Variants in RBM12B observed in about 807,000 individuals in gnomAD.
The protein encoded by RBM12B is RNA binding motif protein 12B.
In RBM12B, 10 loss-of-function variants were observed where a neutral mutation model predicts 34.3. The observed-to-expected ratio is 0.29, with a 90% CI of 0.18 to 0.49. The LOEUF (loss-of-function observed/expected upper bound fraction) is 0.49. RBM12B is among the 20% of genes least tolerant of loss of function. The pLI is 0.99. For synonymous variants in RBM12B, 477 were observed against 437.1 expected, an observed-to-expected ratio of 1.09 and a Z score of -1.14; for missense variants, 1,139 against 1,262.7, an observed-to-expected ratio of 0.90 and a Z score of 1.48.
rs1294554446 is a variant in RBM12B, at chr8:93,740,629, CTAT to C, written c.-81_-79del. 210 of 384,232 alleles carry C rather than the reference CTAT, an allele frequency of 5.5e-4. No homozygotes were observed. The highest frequency in any genetic ancestry group is 2.0e-3 in the East Asian group (26 of 13,312). 23.8% of individuals were successfully genotyped at this position (384,232 alleles called of 1,614,324 possible). On this transcript the variant is annotated splice_region_variant and 5_prime_UTR_variant, in exon 2 of 4. Transcript: ENST00000520560. ...TGACATAGCAAAGAAAAAAATATAC[CTAT>C]GAAATCCTTCGAGATCTTCACTCTC... is the stretch of plus-strand genomic sequence containing the variant.
rs972619339 is a variant in RBM12B at position 93,734,751 on chromosome 8, G to A, written c.1660C>T (p.Pro554Ser). ...GAGGAGTGTCGGAAGTCTTCTGGAG[G>A]GTGCCTGTCAGGCTGCCGGAAATCC... ...QRDFRQPDRHPPEDFRHSSED... is the reference protein window; with the variant it reads ...QRDFRQPDRHSPEDFRHSSED... Residue 554 changes from proline to serine, a missense_variant, in exon 4 of 4, where the codon CCT becomes TCT. Pro to Ser is a moderately conservative substitution (Grantham distance 74). Coordinates refer to ENST00000520560, the MANE Select transcript of RBM12B (RefSeq NM_001377960.1). The A allele has an allele frequency of 1.2e-6, 2 of 1,614,012 alleles. No individual in the cohort carries two copies. The highest frequency in any genetic ancestry group is 2.7e-5 in the African/African-American group (2 of 74,918).
intron 3 of RBM12B, among the ~76,000 whole-genome samples, chr8:93,736,879 G>A (rs1409261421): frequency 6.6e-6 from 1 of 152,212 alleles, no homozygotes; most frequent in Non-Finnish European, 1.5e-5. Flanking sequence ...TTCTGCTCAT[G>A]ATAATAAATT....
chr8:93,737,807 C>CAA lies in RBM12B; in HGVS notation c.-77-454_-77-453dup, dbSNP rs78204688. Among the ~76,000 whole-genome samples, 318 of 100,546 alleles carry CAA rather than the reference C, an allele frequency of 3.2e-3. 2 individuals are homozygous for CAA. The highest frequency in any genetic ancestry group is 0.025 in the Middle Eastern group (5 of 202). The allele number at this position is 100,546 out of a possible 152,430, so 66.0% of individuals were successfully genotyped here. A position where few individuals can be genotyped will look rare whatever the true frequency, so the allele number is the denominator to read the frequency against. On this transcript the variant is annotated intron_variant, in intron 2 of 3. Transcript: ENST00000520560. ...AAGTAAAATCTCAATACCCAAAGTT[C>CAA]AAAAAAAAAAAAAAAAAAAAAAGAA...
chr8:93,733,178 A>G lies in RBM12B; in HGVS notation c.*227T>C. 3.2e-6 allele frequency: 1 copy of G among 311,196 alleles called. No homozygotes were observed. The highest frequency in any genetic ancestry group is 5.8e-6 in the Non-Finnish European group (1 of 173,006). 19.3% of individuals were successfully genotyped at this position (311,196 alleles called of 1,614,324 possible). ...GGAATGAGTTCTTTCTCCCCATCAA[A>G]GAAAAAAACAGCATGTGTAATTTTA... On this transcript the variant is annotated 3_prime_UTR_variant, in exon 4 of 4. Transcript: ENST00000520560.
At position 93,735,325 on chromosome 8, in the gene RBM12B, T is replaced by A; in HGVS notation, c.1086A>T (p.Gln362His). ...PVHIDPISRK[Q>H]MLKFIARYEK... Reference sequence around the variant, plus strand: ...CATAACGTGCAATGAACTTCAGCATTTGTTTTCTAGAAATTGGATCAATAT... The same window carrying A: ...CATAACGTGCAATGAACTTCAGCATATGTTTTCTAGAAATTGGATCAATAT... Residue 362 changes from glutamine to histidine, a missense_variant, in exon 4 of 4, where the codon CAA (glutamine) becomes CAT (histidine). This residue lies in a region of RBM12B where 863 missense variants were observed against 869.5 expected (regional missense o/e 0.99). Transcript: ENST00000520560. 1 of 1,614,030 alleles carries A rather than the reference T, an allele frequency of 6.2e-7. No individual in the cohort carries two copies. Among genetic ancestry groups the A allele is most frequent in the Non-Finnish European group, 8.5e-7 (1 of 1,180,032 alleles).
intron 3 of RBM12B, 142 bp from the exon 4 acceptor site, chr8:93,736,580 A>T (rs1812028882): frequency 1.7e-6 from 1 of 590,808 alleles, no homozygotes; most frequent in Admixed American, 3.7e-5. Flanking sequence ...AATACTGATC[A>T]TATCTAATTA....
rs1380584702 is a variant in RBM12B at position 93,736,340 on chromosome 8, G to A, written c.71C>T (p.Thr24Met). The A allele has an allele frequency of 1.2e-5, 19 of 1,613,244 alleles. No individual in the cohort carries two copies. The highest frequency in any genetic ancestry group is 6.7e-5 in the East Asian group (3 of 44,890). ...TCCTCCATCAGGAATAGTCAATCCC[G>A]TGAAGAAGTGACGAATATCCACAGG... ...AGPVDIRHFFTGLTIPDGGVH... is the reference protein window; with the variant it reads ...AGPVDIRHFFMGLTIPDGGVH... The change falls in exon 4 of 4, where the codon ACG becomes ATG. Residue 24 changes from threonine (T) to methionine (M), a missense_variant. Around this residue, in one of 3 missense-constraint regions of RBM12B, gnomAD observed 216 missense variants for 292.2 expected, o/e 0.74. Transcript: ENST00000520560.
intron 2 of RBM12B, among the ~76,000 whole-genome samples, chr8:93,737,806 TCAAAAAAA>T (rs1812065734): frequency 1.5e-5 from 1 of 67,954 alleles, no homozygotes; most frequent in African/African-American, 6.2e-5. Flanking sequence ...TACCCAAAGT[TCAAAAAAA>T]AAAAAAAAAA....
chr8:93,735,139 A>C lies in RBM12B; in HGVS notation c.1272T>G (p.Leu424=), dbSNP rs746696326. 3.5e-5 allele frequency: 56 copies of C among 1,614,034 alleles called. No homozygotes were observed. In the South Asian group the frequency reaches 6.0e-4, roughly 17 times the overall value. Residue 424 remains leucine, a synonymous_variant, in exon 4 of 4, where the codon CTT becomes CTG. Transcript: ENST00000520560. The part of the protein sequence containing the change: ...VEVQKFFADF[L]LAEDDIYLLY... Reference sequence around the variant, plus strand: ...GCAAGTAAATGTCATCCTCAGCAAGAAGAAAGTCTGCAAAGAACTTCTGCA... The same window carrying C: ...GCAAGTAAATGTCATCCTCAGCAAGCAGAAAGTCTGCAAAGAACTTCTGCA...
Position 93,733,013 on chromosome 8 carries a change from C to G in RBM12B, c.*392G>C, listed in dbSNP as rs1811843972. 2 of 153,676 alleles carry G rather than the reference C, an allele frequency of 1.3e-5. No individual in the cohort carries two copies. The highest frequency in any genetic ancestry group is 4.1e-4 in the South Asian group (2 of 4,876). The allele number at this position is 153,676 out of a possible 1,614,324, so 9.5% of individuals were successfully genotyped here. ...AAACCTGAACAATCAGTCACTATTT[C>G]CTTATACAGTTTGAGTAAAAGAGGT... On this transcript the variant is annotated 3_prime_UTR_variant, in exon 4 of 4. Coordinates refer to ENST00000520560, the MANE Select transcript of RBM12B (RefSeq NM_001377960.1).
rs898070986 is a variant in RBM12B, at chr8:93,729,457, C to G, written c.*3948G>C. ...AATTTGGTTGTACTTCGGGGGAAAACAACAGAGTTATTATTTTGCTGCTTA... is the reference window on the plus strand; with the variant it reads ...AATTTGGTTGTACTTCGGGGGAAAAGAACAGAGTTATTATTTTGCTGCTTA... On this transcript the variant is annotated 3_prime_UTR_variant, in exon 4 of 4. Coordinates refer to ENST00000520560, the MANE Select transcript of RBM12B (RefSeq NM_001377960.1). The G allele has an allele frequency of 1.3e-5, 2 of 152,120 alleles. No homozygotes were observed. The highest frequency in any genetic ancestry group is 2.9e-5 in the Non-Finnish European group (2 of 67,974). The allele number at this position is 152,120 out of a possible 1,614,324, so 9.4% of individuals were successfully genotyped here. A position where few individuals can be genotyped will look rare whatever the true frequency, so the allele number is the denominator to read the frequency against.
rs1286647582 is a variant in RBM12B, at chr8:93,733,636, A to G, written c.2775T>C (p.Thr925=). ...ATGGAAGATTCATTATCTTAATAGG[A>G]GTTACTCTACCTGAACCACAATTTA... is the stretch of plus-strand genomic sequence containing the variant. ...PKINCGSGRV[T]PIKIMNLPFK... is the part of the protein sequence containing the mutation. The change falls in exon 4 of 4, where the codon ACT becomes ACC. Residue 925 remains threonine, a synonymous_variant. Transcript: ENST00000520560. The G allele has an allele frequency of 1.9e-6, 3 of 1,613,962 alleles. No individual in the cohort carries two copies. The highest frequency in any genetic ancestry group is 2.5e-6 in the Non-Finnish European group (3 of 1,180,026).
At position 93,734,847 on chromosome 8, in the gene RBM12B, CAACT is replaced by C. The variant is rs765666152; in HGVS notation, c.1560_1563del (p.Gly522LeufsTer9). ...TGATGTCTAAAGTTTTCAAAAGCAC[CAACT>C]GAGTATATTGGTGGGTCTTTTGAGT... On this transcript the variant is annotated frameshift_variant, in exon 4 of 4. Coordinates refer to ENST00000520560, the MANE Select transcript of RBM12B (RefSeq NM_001377960.1). LOFTEE classifies it low-confidence loss of function (END_TRUNC). The C allele has an allele frequency of 1.2e-6, 2 of 1,614,112 alleles. No individual in the cohort carries two copies. The highest frequency in any genetic ancestry group is 1.1e-5 in the South Asian group (1 of 91,074).
chr8:93,737,716 C>A (rs1413841884), intron 2 of RBM12B, among the ~76,000 whole-genome samples: 1 of 149,940 alleles, frequency 6.7e-6, no homozygotes, highest in Non-Finnish European at 1.5e-5. Context: ...TTACTGAATT[C>A]TATCCTTAGG....
At chr8:93,740,076 G>A (rs1327227978) in intron 2 of RBM12B, 4 of 345,638 alleles carry the variant, frequency 1.2e-5, no homozygotes, top group Non-Finnish European at 2.3e-5. Context: ...AGGTCATGAT[G>A]TAGCATATTC....
Position 93,736,093 on chromosome 8 carries a change from C to G in RBM12B, c.318G>C (p.Leu106=), listed in dbSNP as rs370017467. Residue 106 remains leucine, a synonymous_variant, in exon 4 of 4, where the codon CTG becomes CTC. Transcript: ENST00000520560. ...PGSGTSGVDS[L]SNFIESVKEE... The stretch of plus-strand genomic sequence containing the variant: ...CCTTAACAGACTCAATAAAATTAGA[C>G]AGGCTGTCAACCCCTGATGTCCCAG... 1.4e-4 allele frequency: 224 copies of G among 1,614,042 alleles called. No homozygotes were observed. Among genetic ancestry groups the G allele is most frequent in the Non-Finnish European group, 1.8e-4 (216 of 1,180,020 alleles).
chr8:93,729,355 T>C lies in RBM12B; in HGVS notation c.*4050A>G, dbSNP rs1811696545. On this transcript the variant is annotated 3_prime_UTR_variant, in exon 4 of 4. Transcript: ENST00000520560. ...ACTTTTTTGTAAAATATTTAAAACA[T>C]TTTAAAACCCTAAATTGATATTCTT... The C allele has an allele frequency of 6.6e-6, 1 of 152,150 alleles. No homozygotes were observed. The highest frequency in any genetic ancestry group is 6.6e-5 in the Admixed American group (1 of 15,266). The allele number at this position is 152,150 out of a possible 1,614,324, so 9.4% of individuals were successfully genotyped here.
rs200614366 is a variant in RBM12B, at chr8:93,728,258, C to G, written c.*5147G>C. On this transcript the variant is annotated 3_prime_UTR_variant, in exon 4 of 4. Transcript: ENST00000520560. ...AACAAGCAGAAGATGATGAGGATGACGAGTTAGATGTTACAGAAGAAGAAA... is the reference window on the plus strand; with the variant it reads ...AACAAGCAGAAGATGATGAGGATGAGGAGTTAGATGTTACAGAAGAAGAAA... The G allele has an allele frequency of 3.6e-5, 57 of 1,596,560 alleles. No individual in the cohort carries two copies. Among genetic ancestry groups the G allele is most frequent in the Middle Eastern group, 4.5e-4 (2 of 4,428 alleles).
chr8:93,740,531 A>G, intron 2 of RBM12B, 98 bp downstream of exon 2: 1 of 456,856 alleles, frequency 2.2e-6, no homozygotes, highest in African/African-American at 2.0e-5. Context: ...CCCCAGATCT[A>G]ACTGAAAACA....
Sources: allele counts gnomAD v4.1 joint callset (sites outside exome capture counted in the v4.1 genomes callset), GRCh38; gene constraint gnomAD v4.1.1; regional missense constraint gnomAD v4.1.1; transcripts MANE v1.5; gene names NCBI Gene and HGNC (gene_info 2026-07-23, HGNC 2026-07-21).